The following SMYD3 variants were observed in gnomAD, a reference collection of about 807,000 sequenced individuals.
The protein encoded by SMYD3 is SET and MYND domain containing 3, also known as histone-lysine N-methyltransferase SMYD3.
Under a neutral mutation model 57.7 loss-of-function variants are expected in SMYD3, and 36 were observed. That is an observed-to-expected ratio of 0.62 (90% CI 0.48 to 0.82). The LOEUF is 0.82. Among genes scored for constraint, SMYD3 ranks in the 40% least tolerant of loss-of-function variants. SMYD3 has a pLI of 0.00. For synonymous variants in SMYD3, 211 were observed against 195.0 expected (o/e 1.08, Z -0.68); for missense variants, 515 against 538.8 (o/e 0.96, Z 0.44).
At chr1:245,799,671 T>C (rs948663700) in intron 10 of SMYD3, among the ~76,000 whole-genome samples, 1 of 152,256 alleles carries the variant, frequency 6.6e-6, no homozygotes, top group Non-Finnish European at 1.5e-5. Context: ...GTATTTTGGC[T>C]GCTGACGCTG....
chr1:246,244,648 T>C (rs1344765236), intron 5 of SMYD3, among the ~76,000 whole-genome samples: 3 of 152,190 alleles, frequency 2.0e-5, no homozygotes, highest in African/African-American at 7.2e-5. Flanking sequence ...ATGTACCATA[T>C]GAGTAGATCC....
intron 7 of SMYD3, among the ~76,000 whole-genome samples, chr1:245,918,296 T>G (rs1014005811): frequency 2.0e-5 from 3 of 152,204 alleles, no homozygotes; most frequent in African/African-American, 4.8e-5. Context: ...CAGGTAACAC[T>G]GAAGACTGCA....
chr1:246,299,827 C>A (rs1012559392), intron 5 of SMYD3, among the ~76,000 whole-genome samples: 2 of 151,330 alleles, frequency 1.3e-5, no homozygotes, highest in African/African-American at 4.9e-5. Flanking sequence ...GACACTGGGG[C>A]GCACTTGAAG....
chr1:246,069,287 C>T (rs565529271), intron 5 of SMYD3, among the ~76,000 whole-genome samples: 16 of 152,322 alleles, frequency 1.1e-4, no homozygotes, highest in African/African-American at 3.8e-4. Context: ...AACTGAGAAT[C>T]TGCAAAAGTT....
At chr1:245,961,937 C>T (rs79447755) in intron 5 of SMYD3, among the ~76,000 whole-genome samples, 1 of 152,130 alleles carries the variant, frequency 6.6e-6, no homozygotes, top group Non-Finnish European at 1.5e-5. Context: ...GTTATTACAG[C>T]TGGGAACTGA....
At position 246,102,857 on chromosome 1, in the gene SMYD3, C is replaced by G. The variant is rs535473532; in HGVS notation, c.532-172920G>C. Among the ~76,000 whole-genome samples the G allele has an allele frequency of 2.0e-3, 305 of 152,238 alleles. 3 individuals carry two copies. Among genetic ancestry groups the G allele is most frequent in the African/African-American group, 6.4e-3 (266 of 41,534 alleles). ...CTATGATCATACAAGTGCACCCCAG[C>G]CTGGGTAACAGAAGGGGACCCTGTC... On this transcript the variant is annotated intron_variant, in intron 5 of 11. Coordinates refer to ENST00000490107, the MANE Select transcript of SMYD3 (RefSeq NM_001167740.2).
intron 5 of SMYD3, among the ~76,000 whole-genome samples, chr1:245,980,954 A>G (rs183313661): frequency 5.3e-5 from 8 of 152,352 alleles, no homozygotes; most frequent in African/African-American, 9.6e-5. Context: ...TTGAGCTACA[A>G]GGCAGAGTAA....
chr1:246,415,942 C>G (rs944494047), intron 1 of SMYD3, among the ~76,000 whole-genome samples: 4 of 152,104 alleles, frequency 2.6e-5, no homozygotes, highest in African/African-American at 9.7e-5. Flanking sequence ...CATACATGTA[C>G]GTAGAAACTC....
intron 5 of SMYD3, among the ~76,000 whole-genome samples, chr1:245,947,882 C>T (rs373157429): frequency 2.4e-4 from 37 of 152,146 alleles, no homozygotes; most frequent in Middle Eastern, 3.4e-3. Context: ...TCTAGGTTTC[C>T]AGAAGTAAGT....
chr1:246,335,640 G>A (rs552550769), intron 2 of SMYD3, among the ~76,000 whole-genome samples, 166 bp from the exon 3 acceptor site: 12 of 152,180 alleles, frequency 7.9e-5, no homozygotes, highest in African/African-American at 2.9e-4. Context: ...TCCAGGATGA[G>A]TCTTTGCCAA....
In SMYD3 at chr1:245,889,024, TATAA is replaced by T. The variant is rs138784076; in HGVS notation, c.814-25142_814-25139del. On this transcript the variant is annotated intron_variant, in intron 8 of 11. Transcript: ENST00000490107. ...CACTAGAGGGCGCAGTTAATGACTA[TATAA>T]ATAGTGAGCCCCAAGATAGTTATTG... Among the ~76,000 whole-genome samples the T allele has an allele frequency of 2.6e-3, 398 of 152,328 alleles. 2 individuals are homozygous for T. The highest frequency in any genetic ancestry group is 4.5e-3 in the Non-Finnish European group (305 of 68,028).
At chr1:246,352,324 G>C (rs144587787) in intron 2 of SMYD3, among the ~76,000 whole-genome samples, 1 of 152,052 alleles carries the variant, frequency 6.6e-6, no homozygotes, top group African/African-American at 2.4e-5. Context: ...TGTCCCCCTG[G>C]GGTATACATA....
chr1:246,134,059 T>C (rs900743850), intron 5 of SMYD3, among the ~76,000 whole-genome samples: 1 of 152,154 alleles, frequency 6.6e-6, no homozygotes, highest in Non-Finnish European at 1.5e-5. Flanking sequence ...AAATGACTAG[T>C]GAACCTTCAG....
chr1:246,196,105 A>G (rs1283526801), intron 5 of SMYD3, among the ~76,000 whole-genome samples: 1 of 152,078 alleles, frequency 6.6e-6, no homozygotes, highest in Non-Finnish European at 1.5e-5. Flanking sequence ...TCTACTTCAC[A>G]TTATTTATAA....
intron 10 of SMYD3, among the ~76,000 whole-genome samples, chr1:245,776,003 G>C (rs1304449868): frequency 6.6e-6 from 1 of 152,092 alleles, no homozygotes; most frequent in East Asian, 1.9e-4. Context: ...TTAAAATATG[G>C]TAAAAATTAA....
chr1:246,454,610 A>C (rs2067675195), intron 1 of SMYD3, among the ~76,000 whole-genome samples: 1 of 152,232 alleles, frequency 6.6e-6, no homozygotes, highest in Admixed American at 6.5e-5. Flanking sequence ...ATAACTGATG[A>C]GGGATTATTA....
intron 10 of SMYD3, among the ~76,000 whole-genome samples, chr1:245,836,067 C>T (rs979612099): frequency 6.6e-6 from 1 of 152,184 alleles, no homozygotes; most frequent in Non-Finnish European, 1.5e-5. Flanking sequence ...ATTAGCCACC[C>T]ATCTGACCCT....
intron 3 of SMYD3, 113 bp from the exon 4 acceptor site, chr1:246,330,650 T>A (rs941162990): frequency 4.7e-4 from 358 of 757,886 alleles, no homozygotes; most frequent in Non-Finnish European, 6.7e-4. Context: ...AAAGAACATT[T>A]TCTATATATT....
chr1:245,944,078 A>T (rs1397380403), intron 5 of SMYD3, among the ~76,000 whole-genome samples: 1 of 152,204 alleles, frequency 6.6e-6, no homozygotes, highest in Non-Finnish European at 1.5e-5. Flanking sequence ...GAAAACTGGC[A>T]CAAGACAAGG....
Sources: gnomAD v4.1 joint callset for allele counts (sites outside exome capture counted in the v4.1 genomes callset) on GRCh38, gnomAD v4.1.1 for gene constraint, MANE v1.5 for transcripts, NCBI Gene and HGNC (gene_info 2026-07-23, HGNC 2026-07-21) for gene names.